Variants in ZNF677 observed in about 807,000 individuals in gnomAD.
ZNF677 encodes the protein hypothetical protein MGC48625.
In ZNF677, 5 loss-of-function variants were observed where a neutral mutation model predicts 8.1. The observed-to-expected ratio is 0.62, with a 90% CI of 0.32 to 1.29. The LOEUF (loss-of-function observed/expected upper bound fraction) is 1.29, where lower values mean the gene tolerates loss of function less well. Among genes scored for constraint, ZNF677 ranks in the 50% most tolerant of loss-of-function variants. The probability of loss-of-function intolerance (pLI) is 0.05; values close to 1 mark genes in which losing one functional copy is unlikely to be tolerated. For missense variants in ZNF677, 685 were observed against 685.9 expected, an observed-to-expected ratio of 1.00 and a Z score of 0.01; for synonymous variants, 221 against 225.6, an observed-to-expected ratio of 0.98 and a Z score of 0.18.
At position 53,236,922 on chromosome 19, in the gene ZNF677, T is replaced by C. The variant is rs2090976642; in HGVS notation, c.*50A>G. On this transcript the variant is annotated 3_prime_UTR_variant, in exon 5 of 5. Coordinates refer to ENST00000598513, the MANE Select transcript of ZNF677 (RefSeq NM_182609.4). Reference sequence around the variant, plus strand: ...AGACATAAGCCATAGCTAAAGGCTTTACCACATTTTCGTTTTATATGGTTT... The same window carrying C: ...AGACATAAGCCATAGCTAAAGGCTTCACCACATTTTCGTTTTATATGGTTT... 6.7e-7 allele frequency: 1 copy of C among 1,492,492 alleles called. No homozygotes were observed. Among genetic ancestry groups the C allele is most frequent in the Non-Finnish European group, 8.9e-7 (1 of 1,119,896 alleles). The allele number at this position is 1,492,492 out of a possible 1,614,324, so 92.5% of individuals were successfully genotyped here. A position where few individuals can be genotyped will look rare whatever the true frequency, so the allele number is the denominator to read the frequency against.
chr19:53,242,174 T>C (rs1181894967), intron 4 of ZNF677: 2 of 396,532 alleles, frequency 5.0e-6, no homozygotes, highest in Middle Eastern at 6.3e-4. Context: ...TCAGGTGATC[T>C]GCCCACCTCG....
At chr19:53,242,801 T>A (rs1416152186) in intron 4 of ZNF677, 5 of 169,258 alleles carry the variant, frequency 3.0e-5, no homozygotes, top group Non-Finnish European at 6.3e-5. Flanking sequence ...CAGATGAAAT[T>A]ATATACACTA....
chr19:53,247,688 A>C (rs1018365380), intron 3 of ZNF677, among the ~76,000 whole-genome samples: 41 of 152,318 alleles, frequency 2.7e-4, no homozygotes, highest in African/African-American at 9.6e-4. Context: ...TATAGCAGTT[A>C]CATGTTCTTG....
chr19:53,250,547 C>T (rs2091218499), intron 3 of ZNF677, among the ~76,000 whole-genome samples: 1 of 152,120 alleles, frequency 6.6e-6, no homozygotes, highest in African/African-American at 2.4e-5. Context: ...AGCTTGAGCC[C>T]ACTATCTTTA....
At position 53,242,306 on chromosome 19, in the gene ZNF677, C is replaced by G. The variant is rs536567908; in HGVS notation, c.169+1438G>C. 3 of 398,572 alleles carry G rather than the reference C, an allele frequency of 7.5e-6. No individual in the cohort carries two copies. The South Asian group carries it at 3.8e-4, about 51-fold the overall frequency. The allele number at this position is 398,572 out of a possible 1,614,324, so 24.7% of individuals were successfully genotyped here. A position where few individuals can be genotyped will look rare whatever the true frequency, so the allele number is the denominator to read the frequency against. On this transcript the variant is annotated intron_variant, in intron 4 of 4. Coordinates refer to ENST00000598513, the MANE Select transcript of ZNF677 (RefSeq NM_182609.4). ...TGGAATCAGGAAGACTAAGGTCTCC[C>G]TAAGTTCCCGGATAGAGTAGAAAGC...
At chr19:53,250,765 C>G (rs2091221914) in intron 3 of ZNF677, among the ~76,000 whole-genome samples, 1 of 152,066 alleles carries the variant, frequency 6.6e-6, no homozygotes, top group Non-Finnish European at 1.5e-5. Flanking sequence ...CCAACAAACT[C>G]CCATGACACA....
rs150912055 is a variant in ZNF677, at chr19:53,237,379, G to C, written c.1348C>G (p.Gln450Glu). The C allele has an allele frequency of 2.5e-6, 4 of 1,613,752 alleles. No homozygotes were observed. In the African/African-American group the frequency reaches 5.3e-5, roughly 22 times the overall value. Residue 450 changes from glutamine (Q) to glutamate (E), a missense_variant, in exon 5 of 5, where the codon CAG becomes GAG. Transcript: ENST00000598513. ...GGTTTTTCTCCAGTGTGAATTCTCT[G>C]ATGTTCCACAAGACTTGAACTTTGG... ...FIQSSSLVEH[Q>E]RIHTGEKPYK...
At chr19:53,254,181 A>C (rs1009540296) in intron 1 of ZNF677, among the ~76,000 whole-genome samples, 5 of 151,882 alleles carry the variant, frequency 3.3e-5, no homozygotes, top group African/African-American at 4.8e-5. Flanking sequence ...ATCAATCCAC[A>C]CTCACATGGA....
Position 53,235,874 on chromosome 19 carries a change from T to C in ZNF677, c.*1098A>G, listed in dbSNP as rs1201224657. ...ACCTCTCTTCTGGCACAAACCCCCA[T>C]GCTCTTATAGTATATTGTATATTAG... On this transcript the variant is annotated 3_prime_UTR_variant, in exon 5 of 5. Transcript: ENST00000598513. 6.6e-6 allele frequency: 1 copy of C among 152,190 alleles called. No homozygotes were observed. The highest frequency in any genetic ancestry group is 1.5e-5 in the Non-Finnish European group (1 of 68,080). The allele number at this position is 152,190 out of a possible 1,614,324, so 9.4% of individuals were successfully genotyped here.
chr19:53,239,361 T>C (rs575070693), intron 4 of ZNF677: 1 of 152,266 alleles, frequency 6.6e-6, no homozygotes, highest in Non-Finnish European at 1.5e-5. Flanking sequence ...AAAAATAATA[T>C]GTTGAGAATC....
intron 4 of ZNF677, chr19:53,239,922 T>A (rs2091021783): frequency 6.6e-6 from 1 of 152,230 alleles, no homozygotes. Context: ...TTCACAGCAT[T>A]AAGCACCACT....
At chr19:53,238,716 C>G in intron 4 of ZNF677, 159 bp from the exon 5 acceptor site, 1 of 601,384 alleles carries the variant, frequency 1.7e-6, no homozygotes, top group South Asian at 2.9e-5. Flanking sequence ...AAGGGACTAG[C>G]TGTCCTCAAT....
At position 53,236,195 on chromosome 19, in the gene ZNF677, C is replaced by T. The variant is rs2090971513; in HGVS notation, c.*777G>A. The T allele has an allele frequency of 6.6e-6, 1 of 152,180 alleles. No homozygotes were observed. Among genetic ancestry groups the T allele is most frequent in the Admixed American group, 6.5e-5 (1 of 15,268 alleles). The allele number at this position is 152,180 out of a possible 1,614,324, so 9.4% of individuals were successfully genotyped here. On this transcript the variant is annotated 3_prime_UTR_variant, in exon 5 of 5. Transcript: ENST00000598513. Reference sequence around the variant, plus strand: ...CTCCAGCCTGGGTGACAGAGCAAGACTCTGTCTCCAAAAAAAGAAAAAATT... The same window carrying T: ...CTCCAGCCTGGGTGACAGAGCAAGATTCTGTCTCCAAAAAAAGAAAAAATT...
rs538521202 is a variant in ZNF677, at chr19:53,250,683, G to A, written c.15+853C>T. Reference sequence around the variant, plus strand: ...TGGAGCCTATCAGGGATGGAGGGTGGGAGGAGGGAGAGGATCAGGAAAAAT... The same window carrying A: ...TGGAGCCTATCAGGGATGGAGGGTGAGAGGAGGGAGAGGATCAGGAAAAAT... On this transcript the variant is annotated intron_variant, in intron 3 of 4. Coordinates refer to ENST00000598513, the MANE Select transcript of ZNF677 (RefSeq NM_182609.4). 7.6e-4 allele frequency among the ~76,000 whole-genome samples: 116 copies of A among 152,274 alleles called. 1 individual carries two copies. The highest frequency in any genetic ancestry group is 2.5e-3 in the African/African-American group (105 of 41,552).
At chr19:53,246,997 T>C (rs2091154582) in intron 3 of ZNF677, among the ~76,000 whole-genome samples, 1 of 152,222 alleles carries the variant, frequency 6.6e-6, no homozygotes, top group Non-Finnish European at 1.5e-5. Context: ...TCAAATTGTA[T>C]ACATTACATA....
intron 2 of ZNF677, among the ~76,000 whole-genome samples, chr19:53,252,800 A>C (rs1395312618): frequency 6.6e-6 from 1 of 152,100 alleles, no homozygotes; most frequent in Non-Finnish European, 1.5e-5. Context: ...TAGATGACAT[A>C]AGGGAGTAAA....
intron 4 of ZNF677, chr19:53,242,713 GAATAGA>G (rs1246986148): frequency 3.5e-6 from 1 of 282,396 alleles, no homozygotes; most frequent in Non-Finnish European, 6.5e-6. Context: ...TAAGAAATAG[GAATAGA>G]AATTGAATAG....
chr19:53,247,259 C>T (rs934152467), intron 3 of ZNF677, among the ~76,000 whole-genome samples: 2 of 151,982 alleles, frequency 1.3e-5, no homozygotes, highest in African/African-American at 4.8e-5. Context: ...GTTTTCTTTC[C>T]GTGCTTGTTT....
chr19:53,251,505 CA>C lies in ZNF677; in HGVS notation c.15+30del, dbSNP rs377226787. The C allele has an allele frequency of 6.2e-4, 987 of 1,600,134 alleles. 14 individuals are homozygous for C. The South Asian group carries it at 0.01, about 17-fold the overall frequency. On this transcript the variant is annotated intron_variant, in intron 3 of 4. Coordinates refer to ENST00000598513, the MANE Select transcript of ZNF677 (RefSeq NM_182609.4). ...ATATGGCATTTCAGGAAGGAGAGGA[CA>C]AAACAGTGAACCAAGAATATAACTT...
Sources: allele counts gnomAD v4.1 joint callset (sites outside exome capture counted in the v4.1 genomes callset), GRCh38; gene constraint gnomAD v4.1.1; transcripts MANE v1.5; gene names NCBI Gene and HGNC (gene_info 2026-07-23, HGNC 2026-07-21).